Variants in PRDM16 observed in about 807,000 individuals in gnomAD.
PRDM16 encodes histone-lysine N-methyltransferase PRDM16.
In PRDM16, 23 loss-of-function variants were observed where a neutral mutation model predicts 110.6. The ratio of observed to expected loss-of-function variants is 0.21; its 90% CI spans 0.15 to 0.29. The LOEUF (loss-of-function observed/expected upper bound fraction) is 0.29. PRDM16 is among the 10% of genes least tolerant of loss of function. The pLI is 1.00. For synonymous variants in PRDM16, 799 were observed against 781.8 expected, an observed-to-expected ratio of 1.02 and a Z score of -0.37; for missense variants, 1,615 against 1,794.3, an observed-to-expected ratio of 0.90 and a Z score of 1.81.
At chr1:3,336,457 C>A (rs1164529105) in intron 3 of PRDM16, among the ~76,000 whole-genome samples, 1 of 139,878 alleles carries the variant, frequency 7.1e-6, no homozygotes, top group Non-Finnish European at 1.6e-5. Context: ...TTGGAGTGAG[C>A]CTGTGTGTGT....
intron 1 of PRDM16, among the ~76,000 whole-genome samples, chr1:3,106,943 G>C (rs989659437): frequency 1.3e-5 from 2 of 152,224 alleles, no homozygotes; most frequent in Non-Finnish European, 2.9e-5. Flanking sequence ...CCACCCAGAC[G>C]ACCAGAAGGA....
At position 3,148,880 on chromosome 1, in the gene PRDM16, C is replaced by T. The variant is rs542692310; in HGVS notation, c.38-37245C>T. ...GATTTAGTGTGTTGTGGGGGTTCAT[C>T]GTTCCAAAAAAGGAGGATCCCAGTT... On this transcript the variant is annotated intron_variant, in intron 1 of 16. Transcript: ENST00000270722. This position sits in a 1 kb window ranked among gnomAD's most constrained non-coding sequence, Gnocchi z 5.0. Among the ~76,000 whole-genome samples, 14 of 152,252 alleles carry T rather than the reference C, an allele frequency of 9.2e-5. No individual in the cohort carries two copies. Among genetic ancestry groups the T allele is most frequent in the African/African-American group, 2.4e-4 (10 of 41,540 alleles).
chr1:3,137,078 G>A (rs1643453409), intron 1 of PRDM16, among the ~76,000 whole-genome samples: 1 of 152,196 alleles, frequency 6.6e-6, no homozygotes, highest in Admixed American at 6.5e-5. Context: ...CACAGGTGAG[G>A]AAAGAGAGTC....
intron 3 of PRDM16, among the ~76,000 whole-genome samples, chr1:3,383,393 G>A (rs1042879102): frequency 3.3e-5 from 5 of 152,172 alleles, no homozygotes; most frequent in African/African-American, 1.2e-4. Flanking sequence ...CAGCTTGGTG[G>A]TGGATGTCAA....
intron 2 of PRDM16, among the ~76,000 whole-genome samples, chr1:3,211,290 G>A (rs564476977): frequency 6.6e-6 from 1 of 152,182 alleles, no homozygotes; most frequent in Non-Finnish European, 1.5e-5. Flanking sequence ...AGCCAATGCC[G>A]ATTTTCTTTT....
chr1:3,300,069 T>C (rs113115340), intron 3 of PRDM16, among the ~76,000 whole-genome samples: 1 of 81,232 alleles, frequency 1.2e-5, no homozygotes, highest in Non-Finnish European at 2.8e-5. Flanking sequence ...ACTCTGCCCT[T>C]GTTGAAGATG....
At chr1:3,238,287 CTG>C (rs1569901209) in intron 2 of PRDM16, among the ~76,000 whole-genome samples, 2 of 152,136 alleles carry the variant, frequency 1.3e-5, no homozygotes, top group South Asian at 2.1e-4. Flanking sequence ...GTAGAGACCT[CTG>C]TGCATTTCAG....
intron 1 of PRDM16, chr1:3,133,137 A>G (rs1358644126): frequency 6.6e-6 from 1 of 152,260 alleles, no homozygotes; most frequent in Non-Finnish European, 1.5e-5. Flanking sequence ...AGCCCGAAGG[A>G]CGGTGGTAAC....
intron 3 of PRDM16, among the ~76,000 whole-genome samples, chr1:3,320,759 C>T (rs898574102): frequency 6.6e-6 from 1 of 152,240 alleles, no homozygotes; most frequent in Admixed American, 6.5e-5. Context: ...GCAGAGGTGA[C>T]TCAGAGGCCC....
chr1:3,291,994 C>G (rs1303470804), intron 3 of PRDM16, among the ~76,000 whole-genome samples: 1 of 152,228 alleles, frequency 6.6e-6, no homozygotes, highest in African/African-American at 2.4e-5. Context: ...GCCTGGCACC[C>G]TCAAGATGCC....
intron 3 of PRDM16, among the ~76,000 whole-genome samples, chr1:3,377,463 T>G (rs1643012413): frequency 6.6e-6 from 1 of 152,090 alleles, no homozygotes; most frequent in Non-Finnish European, 1.5e-5. Flanking sequence ...AACCTCAAAT[T>G]ATATGCAAAA....
At chr1:3,277,928 A>G (rs927451920) in intron 3 of PRDM16, among the ~76,000 whole-genome samples, 1 of 152,152 alleles carries the variant, frequency 6.6e-6, no homozygotes, top group African/African-American at 2.4e-5. Flanking sequence ...GAGCACACGC[A>G]CTTTTCCAAC....
At chr1:3,404,559 C>T (rs928444193) in intron 6 of PRDM16, among the ~76,000 whole-genome samples, 180 bp from the exon 7 acceptor site, 2 of 152,210 alleles carry the variant, frequency 1.3e-5, no homozygotes, top group African/African-American at 4.8e-5. Flanking sequence ...CGCCTCTGCC[C>T]CTCACAGCCC....
intron 3 of PRDM16, among the ~76,000 whole-genome samples, chr1:3,367,984 T>C (rs1199634599): frequency 6.6e-6 from 1 of 152,210 alleles, no homozygotes; most frequent in Non-Finnish European, 1.5e-5. Context: ...AAAGTCATCA[T>C]CTGCAGAGAG....
intron 3 of PRDM16, among the ~76,000 whole-genome samples, chr1:3,340,027 C>A (rs898449975): frequency 6.6e-6 from 1 of 152,198 alleles, no homozygotes; most frequent in South Asian, 2.1e-4. Context: ...CCGTCAATGG[C>A]AGGCGATCTC....
At chr1:3,356,221 G>A (rs570268313) in intron 3 of PRDM16, among the ~76,000 whole-genome samples, 1 of 152,332 alleles carries the variant, frequency 6.6e-6, no homozygotes, top group South Asian at 2.1e-4. Flanking sequence ...GGGGGCTTGA[G>A]CAGGCCGACG....
intron 1 of PRDM16, among the ~76,000 whole-genome samples, chr1:3,088,874 C>T (rs1367094803): frequency 2.0e-5 from 3 of 151,996 alleles, no homozygotes; most frequent in Non-Finnish European, 4.4e-5. Flanking sequence ...CCTCTGCCTC[C>T]CGGGTTCAAG....
intron 1 of PRDM16, among the ~76,000 whole-genome samples, chr1:3,113,472 A>G (rs1642841853): frequency 8.2e-6 from 1 of 121,282 alleles, no homozygotes; most frequent in African/African-American, 3.1e-5. Context: ...CTAGAGAGGA[A>G]GGCTCGGAGG....
intron 1 of PRDM16, among the ~76,000 whole-genome samples, chr1:3,085,847 C>T (rs1309536328): frequency 6.6e-6 from 1 of 152,252 alleles, no homozygotes; most frequent in Non-Finnish European, 1.5e-5. Flanking sequence ...CAGATGGGCA[C>T]AGCTGTGGGA....
Sources: allele counts gnomAD v4.1 joint callset (sites outside exome capture counted in the v4.1 genomes callset), GRCh38; gene constraint gnomAD v4.1.1; non-coding constraint Gnocchi (gnomAD v3.1); transcripts MANE v1.5; gene names NCBI Gene and HGNC (gene_info 2026-07-23, HGNC 2026-07-21).